TMEM117: variants seen among roughly 807,000 people sequenced by gnomAD.
TMEM117 encodes the protein transmembrane protein 117.
TMEM117 carries 27 observed loss-of-function variants against 52.4 expected under a neutral mutation model. That is an observed-to-expected ratio of 0.51 (90% CI 0.38 to 0.71). The LOEUF (loss-of-function observed/expected upper bound fraction) is 0.71, where lower values mean the gene tolerates loss of function less well. Ranked by LOEUF, TMEM117 falls within the 30% of genes least tolerant of loss-of-function variation. TMEM117 has a pLI of 0.00. For synonymous variants in TMEM117, 215 were observed against 206.3 expected, an observed-to-expected ratio of 1.04 and a Z score of -0.36; for missense variants, 556 against 630.5, an observed-to-expected ratio of 0.88 and a Z score of 1.26.
chr12:44,394,129 AATG>A (rs1225603433), downstream of TMEM117, among the ~76,000 whole-genome samples: 4 of 152,172 alleles, frequency 2.6e-5, no homozygotes, highest in African/African-American at 7.2e-5. Context: ...CATATTTTGA[AATG>A]ATGACTCCAA....
intron 6 of TMEM117, among the ~76,000 whole-genome samples, chr12:44,311,966 T>C (rs1320716580): frequency 6.7e-6 from 1 of 150,244 alleles, no homozygotes; most frequent in East Asian, 1.9e-4. Context: ...GATGGCCAGG[T>C]CAATCCTCCT....
chr12:44,360,713 G>A (rs1277355149), intron 6 of TMEM117, among the ~76,000 whole-genome samples: 2 of 152,098 alleles, frequency 1.3e-5, no homozygotes, highest in East Asian at 1.9e-4. Flanking sequence ...TCTAAATGAT[G>A]TCGAGAATAT....
At chr12:44,222,765 T>C (rs1480173075) in intron 5 of TMEM117, among the ~76,000 whole-genome samples, 2 of 152,176 alleles carry the variant, frequency 1.3e-5, no homozygotes, top group African/African-American at 4.8e-5. Flanking sequence ...TCTGAGATGT[T>C]AGAAATTAGG....
chr12:44,371,011 C>T (rs979094214), intron 6 of TMEM117, among the ~76,000 whole-genome samples: 3 of 152,108 alleles, frequency 2.0e-5, no homozygotes, highest in Admixed American at 6.5e-5. Flanking sequence ...AGGATTTATT[C>T]GGCCAAGTGA....
intron 3 of TMEM117, among the ~76,000 whole-genome samples, chr12:44,014,111 C>T (rs988522793): frequency 2.0e-5 from 3 of 151,924 alleles, no homozygotes; most frequent in Admixed American, 6.6e-5. Flanking sequence ...AGTGGGAAGC[C>T]GTATTCAGAA....
chr12:43,891,265 C>G (rs139262318), intron 2 of TMEM117, among the ~76,000 whole-genome samples: 1 of 151,704 alleles, frequency 6.6e-6, no homozygotes, highest in Admixed American at 6.6e-5. Flanking sequence ...ACAAAACACA[C>G]AGAAGTACCT....
chr12:44,016,325 A>G (rs1488204496), intron 3 of TMEM117, among the ~76,000 whole-genome samples: 2 of 152,152 alleles, frequency 1.3e-5, no homozygotes, highest in Non-Finnish European at 2.9e-5. Context: ...AGCAAGGGTA[A>G]TTTAGCACTG....
chr12:44,388,243 A>G lies in TMEM117; in HGVS notation c.1116A>G (p.Lys372=), dbSNP rs1441025201. The G allele has an allele frequency of 6.2e-7, 1 of 1,613,572 alleles. No individual in the cohort carries two copies. The highest frequency in any genetic ancestry group is 1.7e-5 in the Admixed American group (1 of 59,938). The change falls in exon 8 of 8, where the codon AAA becomes AAG. Residue 372 remains lysine, a synonymous_variant. Transcript: ENST00000266534. The stretch of plus-strand genomic sequence containing the variant: ...ATCACACTAACCCTCGGACTAATAA[A>G]ACATATGTTGAGGGAGACATGTTCT... ...RSNHTNPRTN[K]TYVEGDMFLH... is the part of the protein sequence containing the mutation.
At position 43,844,932 on chromosome 12, in the gene TMEM117, A is replaced by C; in HGVS notation, c.277+4A>C. 1 of 1,611,226 alleles carries C rather than the reference A, an allele frequency of 6.2e-7. No homozygotes were observed. The highest frequency in any genetic ancestry group is 8.5e-7 in the Non-Finnish European group (1 of 1,179,280). On this transcript the variant is annotated splice_donor_region_variant and intron_variant, in intron 2 of 7. Coordinates refer to ENST00000266534, the MANE Select transcript of TMEM117 (RefSeq NM_032256.3). ...CTGTTCCATCAGCGTTTGTTTGGTA[A>C]GTACCATGACCCATGAAATGTAATA...
chr12:44,207,648 A>C (rs1949587446), intron 4 of TMEM117, among the ~76,000 whole-genome samples: 1 of 152,152 alleles, frequency 6.6e-6, no homozygotes, highest in African/African-American at 2.4e-5. Context: ...TGTGTGTTGT[A>C]TTACTGATGT....
chr12:44,202,508 C>T (rs576334982), intron 4 of TMEM117, among the ~76,000 whole-genome samples: 38 of 152,086 alleles, frequency 2.5e-4, no homozygotes, highest in African/African-American at 8.2e-4. Context: ...TTGATTGTGG[C>T]GGATTAGCTT....
chr12:43,856,997 G>A (rs11182303), intron 2 of TMEM117, among the ~76,000 whole-genome samples: 5,696 of 152,212 alleles, frequency 0.037, 265 homozygotes, highest in African/African-American at 0.1. Context: ...TTATTACTTT[G>A]TGTTCCTGTT....
intron 4 of TMEM117, among the ~76,000 whole-genome samples, chr12:44,176,974 AG>A (rs1949124273): frequency 1.3e-5 from 2 of 152,142 alleles, no homozygotes; most frequent in African/African-American, 4.8e-5. Context: ...CAGGAAGGAA[AG>A]GGGTAAAGTT....
chr12:43,806,275 G>A, the TMEM117 span: 2 of 1,511,620 alleles, frequency 1.3e-6, no homozygotes, highest in East Asian at 2.7e-5. Flanking sequence ...CGGCTCCGGC[G>A]CTGAGTGCAG....
the TMEM117 span, chr12:43,797,659 T>C: frequency 7.5e-6 from 12 of 1,592,414 alleles, no homozygotes; most frequent in Non-Finnish European, 1.0e-5. Flanking sequence ...ATATGAGTCA[T>C]AAACTACCAA....
chr12:44,199,140 A>G (rs1467765683), intron 4 of TMEM117, among the ~76,000 whole-genome samples: 1 of 150,498 alleles, frequency 6.6e-6, no homozygotes, highest in African/African-American at 2.5e-5. Context: ...CTTCATCATG[A>G]TAAAGAGTCT....
intron 5 of TMEM117, among the ~76,000 whole-genome samples, chr12:44,282,007 A>C: frequency 6.6e-6 from 1 of 152,182 alleles, no homozygotes; most frequent in East Asian, 1.9e-4. Context: ...AGGTAATTGA[A>C]TCACGGGGGC....
intron 2 of TMEM117, among the ~76,000 whole-genome samples, chr12:43,881,177 G>GA (rs1384892156): frequency 3.9e-5 from 6 of 152,074 alleles, no homozygotes; most frequent in Non-Finnish European, 7.4e-5. Flanking sequence ...GTGCTATCAG[G>GA]AACATAGATA....
intron 5 of TMEM117, among the ~76,000 whole-genome samples, chr12:44,236,171 CAT>C (rs34442924): frequency 0.24 from 35,264 of 147,776 alleles, 8,117 homozygotes; most frequent in African/African-American, 0.61. Context: ...TAGTTTCTAG[CAT>C]ATATATATAT....
Sources: allele counts gnomAD v4.1 joint callset (sites outside exome capture counted in the v4.1 genomes callset), GRCh38; gene constraint gnomAD v4.1.1; transcripts MANE v1.5; gene names NCBI Gene and HGNC (gene_info 2026-07-23, HGNC 2026-07-21).